TDRD6: variants seen among roughly 807,000 people sequenced by gnomAD.
TDRD6 encodes the protein tudor domain-containing protein 6.
Under a neutral mutation model 157.5 loss-of-function variants are expected in TDRD6, and 186 were observed. The observed-to-expected ratio is 1.18, with a 90% CI of 1.05 to 1.33. The LOEUF is 1.33. TDRD6 is among the 40% of genes most tolerant of loss of function. The pLI, the probability that TDRD6 is intolerant of heterozygous loss-of-function variation, is 0.00. For synonymous variants in TDRD6, 1,075 were observed against 945.2 expected, an observed-to-expected ratio of 1.14 and a Z score of -2.52; for missense variants, 3,066 against 2,508.0, an observed-to-expected ratio of 1.22 and a Z score of -4.75.
At chr6:46,696,569 GTGTGTGTGTGTGTA>G (rs1182746288) in intron 2 of TDRD6, among the ~76,000 whole-genome samples, 15 of 64,462 alleles carry the variant, frequency 2.3e-4, no homozygotes, top group Admixed American at 8.8e-4. Context: ...GTGTGTGTGT[GTGTGTGTGTGTGTA>G]TATATATATA....
In TDRD6 at chr6:46,691,092, A is replaced by G. The variant is rs770682945; in HGVS notation, c.2964A>G (p.Glu988=). 3.1e-6 allele frequency: 5 copies of G among 1,613,798 alleles called. No homozygotes were observed. In the African/African-American group the frequency reaches 4.0e-5, roughly 13 times the overall value. Reference sequence around the variant, plus strand: ...ATGATATGAAAATTGGAAGTGAAGAATTAGTTTATATAACGCATATTGATG... The same window carrying G: ...ATGATATGAAAATTGGAAGTGAAGAGTTAGTTTATATAACGCATATTGATG... ...STHDMKIGSE[E]LVYITHIDDP... is the part of the protein sequence containing the mutation. The change falls in exon 1 of 4, where the codon GAA becomes GAG. Residue 988 remains glutamate, a synonymous_variant. Transcript: ENST00000316081.
Position 46,689,290 on chromosome 6 carries a change from T to A in TDRD6, c.1162T>A (p.Trp388Arg), listed in dbSNP as rs987045919. The part of the protein sequence containing the change: ...LYGLWDGGRG[W>R]SRSQVGDLKT... Reference sequence around the variant, plus strand: ...TGGACTCTGGGACGGTGGGAGAGGCTGGTCTCGGTCACAGGTCGGTGACCT... The same window carrying A: ...TGGACTCTGGGACGGTGGGAGAGGCAGGTCTCGGTCACAGGTCGGTGACCT... Residue 388 changes from tryptophan (W) to arginine (R), a missense_variant, in exon 1 of 4, where the codon TGG (tryptophan) becomes AGG (arginine). By Grantham distance (101) the Trp-to-Arg change is moderately radical. Coordinates refer to ENST00000316081, the MANE Select transcript of TDRD6 (RefSeq NM_001010870.3). The A allele has an allele frequency of 1.2e-6, 2 of 1,614,112 alleles. No individual in the cohort carries two copies. Among genetic ancestry groups the A allele is most frequent in the Non-Finnish European group, 1.7e-6 (2 of 1,180,006 alleles).
At chr6:46,697,518 G>T (rs573571606) in intron 2 of TDRD6, among the ~76,000 whole-genome samples, 4 of 152,214 alleles carry the variant, frequency 2.6e-5, no homozygotes, top group Non-Finnish European at 5.9e-5. Context: ...ACATATGTTT[G>T]GGAAACTGAA....
At position 46,692,273 on chromosome 6, in the gene TDRD6, T is replaced by A; in HGVS notation, c.4145T>A (p.Leu1382His). 1.2e-6 allele frequency: 2 copies of A among 1,614,080 alleles called. No individual in the cohort carries two copies. Among genetic ancestry groups the A allele is most frequent in the Non-Finnish European group, 1.7e-6 (2 of 1,179,964 alleles). ...AVIKEQQPND[L>H]LSVQFIDYGN... is the part of the protein sequence containing the mutation. ...ATCAAGGAGCAACAACCCAATGACC[T>A]TCTCTCTGTGCAGTTTATAGATTAT... Residue 1382 changes from leucine (L) to histidine (H), a missense_variant, in exon 1 of 4, where the codon CTT becomes CAT. By Grantham distance (99) the Leu-to-His change is moderately conservative. Transcript: ENST00000316081.
chr6:46,681,775 C>A, the TDRD6 span, among the ~76,000 whole-genome samples: 1 of 152,122 alleles, frequency 6.6e-6, no homozygotes, highest in East Asian at 1.9e-4. Context: ...GAAATACATG[C>A]TACAGCATGG....
rs1451087391 is a variant in TDRD6, at chr6:46,690,146, C to T, written c.2018C>T (p.Thr673Ile). The T allele has an allele frequency of 6.2e-7, 1 of 1,612,994 alleles. No homozygotes were observed. The highest frequency in any genetic ancestry group is 2.2e-5 in the East Asian group (1 of 44,874). Reference sequence around the variant, plus strand: ...TATGCCAAGTATCAGGAATTTGAAACAAAGGAAAATATCCTGGTAAATGCC... The same window carrying T: ...TATGCCAAGTATCAGGAATTTGAAATAAAGGAAAATATCCTGGTAAATGCC... ...AGYAKYQEFE[T>I]KENILVNAHS... Residue 673 changes from threonine (T) to isoleucine (I), a missense_variant, in exon 1 of 4, where the codon ACA (threonine) becomes ATA (isoleucine). By Grantham distance (89) the Thr-to-Ile change is moderately conservative. Transcript: ENST00000316081.
At position 46,691,956 on chromosome 6, in the gene TDRD6, T is replaced by G; in HGVS notation, c.3828T>G (p.Leu1276=). The G allele has an allele frequency of 6.2e-7, 1 of 1,613,110 alleles. No individual in the cohort carries two copies. Among genetic ancestry groups the G allele is most frequent in the East Asian group, 2.2e-5 (1 of 44,856 alleles). The change falls in exon 1 of 4, where the codon CTT becomes CTG. Residue 1276 remains leucine (L), a synonymous_variant. Coordinates refer to ENST00000316081, the MANE Select transcript of TDRD6 (RefSeq NM_001010870.3). ...PLKTARVEAT[L]SERKIGDSCD... is the part of the protein sequence containing the mutation. ...AAACAGCAAGAGTAGAAGCTACTCT[T>G]TCAGAGAGAAAAATAGGAGATTCAT...
chr6:46,692,261 A>G lies in TDRD6; in HGVS notation c.4133A>G (p.Gln1378Arg). 6.2e-7 allele frequency: 1 copy of G among 1,614,038 alleles called. No homozygotes were observed. Among genetic ancestry groups the G allele is most frequent in the Non-Finnish European group, 8.5e-7 (1 of 1,179,926 alleles). ...TATCGTGCTGTGATCAAGGAGCAAC[A>G]ACCCAATGACCTTCTCTCTGTGCAG... Reference protein sequence around the residue: ...LWYRAVIKEQQPNDLLSVQFI... With the variant: ...LWYRAVIKEQRPNDLLSVQFI... Residue 1378 changes from glutamine to arginine, a missense_variant, in exon 1 of 4, where the codon CAA becomes CGA. Physicochemically the swap from Gln to Arg is conservative, Grantham distance 43 (BLOSUM62 1). Coordinates refer to ENST00000316081, the MANE Select transcript of TDRD6 (RefSeq NM_001010870.3).
At chr6:46,697,508 A>G (rs898608927) in intron 2 of TDRD6, among the ~76,000 whole-genome samples, 10 of 152,204 alleles carry the variant, frequency 6.6e-5, no homozygotes, top group African/African-American at 1.9e-4. Context: ...TAGATACTCT[A>G]CATATGTTTG....
In TDRD6 at chr6:46,692,628, TAAC is replaced by T. The variant is rs758266727; in HGVS notation, c.4503_4505del (p.Asn1501del). The stretch of plus-strand genomic sequence containing the variant: ...TTAAAAGTGCCAGTTCAAAGTCTGT[TAAC>T]AAATCAGACATTGACACTTCAGTAT... On this transcript the variant is annotated inframe_deletion, in exon 1 of 4. Coordinates refer to ENST00000316081, the MANE Select transcript of TDRD6 (RefSeq NM_001010870.3). 2.7e-5 allele frequency: 44 copies of T among 1,613,348 alleles called. No homozygotes were observed. The highest frequency in any genetic ancestry group is 3.5e-5 in the Non-Finnish European group (41 of 1,179,816).
intron 3 of TDRD6, among the ~76,000 whole-genome samples, chr6:46,701,496 T>C (rs1223536782): frequency 2.0e-5 from 3 of 152,130 alleles, no homozygotes; most frequent in Non-Finnish European, 2.9e-5. Context: ...TTGAGGCACA[T>C]TGAGAATAAA....
Position 46,702,560 on chromosome 6 carries a change from T to G in TDRD6, c.*673T>G, listed in dbSNP as rs1289178878. On this transcript the variant is annotated 3_prime_UTR_variant, in exon 4 of 4. Coordinates refer to ENST00000316081, the MANE Select transcript of TDRD6 (RefSeq NM_001010870.3). ...AGCTCTTATGTATTAGTCACTTAGCTTATACTTTAAATGCATTTTTTCACT... is the reference window on the plus strand; with the variant it reads ...AGCTCTTATGTATTAGTCACTTAGCGTATACTTTAAATGCATTTTTTCACT... 1.3e-5 allele frequency: 2 copies of G among 152,148 alleles called. No individual in the cohort carries two copies. The highest frequency in any genetic ancestry group is 2.9e-5 in the Non-Finnish European group (2 of 67,994). 9.4% of individuals were successfully genotyped at this position (152,148 alleles called of 1,614,324 possible).
intron 2 of TDRD6, among the ~76,000 whole-genome samples, chr6:46,697,422 C>T (rs950316141): frequency 6.6e-6 from 1 of 152,158 alleles, no homozygotes; most frequent in Non-Finnish European, 1.5e-5. Context: ...TTGTAATTAT[C>T]TGCTTAGAGG....
chr6:46,702,019 T>C lies in TDRD6; in HGVS notation c.*132T>C. 2.0e-6 allele frequency: 2 copies of C among 1,025,354 alleles called. No individual in the cohort carries two copies. The highest frequency in any genetic ancestry group is 2.4e-5 in the East Asian group (1 of 40,910). 63.5% of individuals were successfully genotyped at this position (1,025,354 alleles called of 1,614,324 possible). On this transcript the variant is annotated 3_prime_UTR_variant, in exon 4 of 4. Transcript: ENST00000316081. ...AGAAGTTGTCATTTTCAAAAACTTC[T>C]ATATAGGTGGAAAACAAATTAGGTC...
Position 46,698,087 on chromosome 6 carries a change from G to GC in TDRD6, c.6261_6261+1insC (p.Lys2088GlnfsTer15). The GC allele has an allele frequency of 6.3e-7, 1 of 1,591,354 alleles. No individual in the cohort carries two copies. Among genetic ancestry groups the GC allele is most frequent in the South Asian group, 1.1e-5 (1 of 89,024 alleles). ...CCAAATTGGATAAGAGTCCACCTGA[G>GC]GTATGGAATTCTATAAATAGTAATT... On this transcript the variant is annotated frameshift_variant and splice_region_variant. Coordinates refer to ENST00000316081, the MANE Select transcript of TDRD6 (RefSeq NM_001010870.3). LOFTEE classifies it high-confidence loss of function.
chr6:46,688,645 G>T lies in TDRD6; in HGVS notation c.517G>T (p.Val173Leu), dbSNP rs148501632. 3 of 1,599,272 alleles carry T rather than the reference G, an allele frequency of 1.9e-6. No homozygotes were observed. The highest frequency in any genetic ancestry group is 2.2e-5 in the South Asian group (2 of 91,092). Residue 173 changes from valine (V) to leucine (L), a missense_variant, in exon 1 of 4, where the codon GTG becomes TTG. Physicochemically the swap from Val to Leu is conservative, Grantham distance 32. Transcript: ENST00000316081. ...GGAGGTGCACGGGTGCGTCCTGGAC[G>T]TGCTGCTGCTCCATCGCCTGGTCCT... is the stretch of plus-strand genomic sequence containing the variant. ...GKEVHGCVLD[V>L]LLLHRLVLLE...
Position 46,689,977 on chromosome 6 carries a change from G to C in TDRD6, c.1849G>C (p.Val617Leu), listed in dbSNP as rs769566932. 2.5e-6 allele frequency: 4 copies of C among 1,613,296 alleles called. No homozygotes were observed. In the East Asian group the frequency reaches 8.9e-5, roughly 36 times the overall value. The change falls in exon 1 of 4, where the codon GTT (valine) becomes CTT (leucine). Residue 617 changes from valine to leucine, a missense_variant. Transcript: ENST00000316081. ...GGGAAAAACTTGGAGCCAGGAGGCA[G>C]TTTCCTTTTTTAAAAAGACTGTGCT... ...PLGKTWSQEA[V>L]SFFKKTVLHK...
At position 46,689,137 on chromosome 6, in the gene TDRD6, C is replaced by A; in HGVS notation, c.1009C>A (p.Pro337Thr). 11 of 1,614,118 alleles carry A rather than the reference C, an allele frequency of 6.8e-6. No homozygotes were observed. Among genetic ancestry groups the A allele is most frequent in the Non-Finnish European group, 9.3e-6 (11 of 1,180,038 alleles). Reference protein sequence around the residue: ...YRALLLETFRPQRCAQVLHVD... With the variant: ...YRALLLETFRTQRCAQVLHVD... The stretch of plus-strand genomic sequence containing the variant: ...AGCACTGTTGCTTGAGACTTTTCGG[C>A]CCCAGCGCTGTGCCCAGGTGCTTCA... The change falls in exon 1 of 4, where the codon CCC becomes ACC. Residue 337 changes from proline (P) to threonine (T), a missense_variant. Pro to Thr is a conservative substitution (Grantham distance 38). Coordinates refer to ENST00000316081, the MANE Select transcript of TDRD6 (RefSeq NM_001010870.3).
chr6:46,701,146 C>A, intron 3 of TDRD6: 3 of 270,194 alleles, frequency 1.1e-5, no homozygotes, highest in Admixed American at 5.0e-5. Flanking sequence ...ATCCCTCAAA[C>A]AAAAATGGTT....
Sources: gnomAD v4.1 joint callset for allele counts (sites outside exome capture counted in the v4.1 genomes callset) on GRCh38, gnomAD v4.1.1 for gene constraint, MANE v1.5 for transcripts, NCBI Gene and HGNC (gene_info 2026-07-23, HGNC 2026-07-21) for gene names.